The following FBXL17 variants were observed in gnomAD, a reference collection of about 807,000 sequenced individuals.
The protein encoded by FBXL17 is F-box and leucine rich repeat protein 17.
In FBXL17, 22 loss-of-function variants were observed where a neutral mutation model predicts 66.2. The observed-to-expected ratio is 0.33, with a 90% confidence interval of 0.24 to 0.47. The LOEUF (loss-of-function observed/expected upper bound fraction) is 0.47. FBXL17 is among the 20% of genes least tolerant of loss of function. FBXL17 has a pLI of 1.00. For missense variants in FBXL17, 878 were observed against 948.2 expected, an observed-to-expected ratio of 0.93 and a Z score of 0.97; for synonymous variants, 474 against 400.5, an observed-to-expected ratio of 1.18 and a Z score of -2.19.
chr5:108,148,906 C>G lies in FBXL17; in HGVS notation c.1745+37211G>C, dbSNP rs79202811. Among the ~76,000 whole-genome samples the G allele has an allele frequency of 3.5e-3, 530 of 152,298 alleles. 2 individuals are homozygous for G. Among genetic ancestry groups the G allele is most frequent in the African/African-American group, 0.012 (512 of 41,558 alleles). On this transcript the variant is annotated intron_variant, in intron 6 of 8. Transcript: ENST00000542267. ...GTATGTCACAACAATATCACTAATA[C>G]TATCATGTTTATAATCTCTTAAATG...
chr5:108,358,795 T>A (rs1474341031), intron 3 of FBXL17, among the ~76,000 whole-genome samples: 3 of 152,150 alleles, frequency 2.0e-5, no homozygotes, highest in African/African-American at 4.8e-5. Flanking sequence ...ACATTCACCA[T>A]CAAAGCTATG....
chr5:108,240,598 G>T (rs2150099772), intron 4 of FBXL17, among the ~76,000 whole-genome samples: 1 of 152,288 alleles, frequency 6.6e-6, no homozygotes, highest in Admixed American at 6.5e-5. Flanking sequence ...GACACCAGAT[G>T]TCATCTCTGG....
chr5:108,104,590 C>T (rs118061896), intron 6 of FBXL17, among the ~76,000 whole-genome samples: 1 of 152,274 alleles, frequency 6.6e-6, no homozygotes, highest in East Asian at 1.9e-4. Flanking sequence ...AGTCTCTGTC[C>T]TCCAAGATGT....
chr5:108,217,003 G>A (rs992641602), intron 5 of FBXL17, among the ~76,000 whole-genome samples: 10 of 152,208 alleles, frequency 6.6e-5, no homozygotes, highest in African/African-American at 1.7e-4. Context: ...AGTGGGCTCC[G>A]GTGGGTTCCA....
At chr5:108,319,415 G>A (rs901251770) in intron 4 of FBXL17, among the ~76,000 whole-genome samples, 2 of 151,636 alleles carry the variant, frequency 1.3e-5, no homozygotes, top group African/African-American at 4.8e-5. Flanking sequence ...ATTAGGGAGA[G>A]GTTATACCTA....
chr5:108,137,067 T>A (rs1751163376), intron 6 of FBXL17, among the ~76,000 whole-genome samples: 1 of 152,202 alleles, frequency 6.6e-6, no homozygotes, highest in Non-Finnish European at 1.5e-5. Flanking sequence ...AAATGCTATA[T>A]TAACTTATAG....
chr5:108,008,703 C>T (rs564403064), intron 7 of FBXL17, among the ~76,000 whole-genome samples: 3 of 152,170 alleles, frequency 2.0e-5, no homozygotes, highest in African/African-American at 7.2e-5. Flanking sequence ...ATTCTGGATG[C>T]GCGCAGCTTG....
At chr5:108,317,879 T>A (rs1409594267) in intron 4 of FBXL17, among the ~76,000 whole-genome samples, 2 of 151,548 alleles carry the variant, frequency 1.3e-5, no homozygotes, top group Non-Finnish European at 3.0e-5. Flanking sequence ...ATTCACTATG[T>A]ATCTGCAAAT....
intron 4 of FBXL17, among the ~76,000 whole-genome samples, chr5:108,260,834 T>C (rs1756786225): frequency 6.6e-6 from 1 of 152,210 alleles, no homozygotes; most frequent in Non-Finnish European, 1.5e-5. Context: ...ACAAGTTTGC[T>C]ATAGTCATTT....
intron 1 of FBXL17, among the ~76,000 whole-genome samples, chr5:108,375,264 A>T (rs1030320574): frequency 6.6e-6 from 1 of 151,932 alleles, no homozygotes; most frequent in Non-Finnish European, 1.5e-5. Flanking sequence ...GGCTGACAAG[A>T]GGGAAAGTCA....
At chr5:107,950,451 G>A (rs1260099796) in intron 7 of FBXL17, among the ~76,000 whole-genome samples, 1 of 152,112 alleles carries the variant, frequency 6.6e-6, no homozygotes, top group Non-Finnish European at 1.5e-5. Flanking sequence ...CATAAAGACA[G>A]AGTTTGTAAA....
At chr5:108,131,094 A>G (rs150343817) in intron 6 of FBXL17, among the ~76,000 whole-genome samples, 50 of 152,234 alleles carry the variant, frequency 3.3e-4, no homozygotes, top group African/African-American at 1.1e-3. Flanking sequence ...AATAGGAACA[A>G]TTTGCAGGTT....
At chr5:108,311,552 A>C (rs2150199359) in intron 4 of FBXL17, among the ~76,000 whole-genome samples, 1 of 152,206 alleles carries the variant, frequency 6.6e-6, no homozygotes, top group Admixed American at 6.5e-5. Context: ...TATTCTTCCA[A>C]ATGTACAATA....
intron 7 of FBXL17, among the ~76,000 whole-genome samples, chr5:107,993,956 C>A (rs921317947): frequency 7.9e-5 from 12 of 152,078 alleles, no homozygotes; most frequent in Non-Finnish European, 1.8e-4. Flanking sequence ...TAGTGTCCCT[C>A]TCAGGGCTGT....
chr5:108,155,585 C>G (rs755276528), intron 6 of FBXL17, among the ~76,000 whole-genome samples: 5 of 152,154 alleles, frequency 3.3e-5, no homozygotes, highest in Non-Finnish European at 7.3e-5. Context: ...GTAAAACTCT[C>G]TGAACTTTGA....
chr5:108,380,901 G>T lies in FBXL17; in HGVS notation c.791C>A (p.Ser264Tyr). 1 of 1,233,542 alleles carries T rather than the reference G, an allele frequency of 8.1e-7. No individual in the cohort carries two copies. Among genetic ancestry groups the T allele is most frequent in the Non-Finnish European group, 1.0e-6 (1 of 984,122 alleles). The allele number at this position is 1,233,542 out of a possible 1,614,324, so 76.4% of individuals were successfully genotyped here. A position where few individuals can be genotyped will look rare whatever the true frequency, so the allele number is the denominator to read the frequency against. The change falls in exon 1 of 9, where the codon TCT (serine) becomes TAT (tyrosine). Residue 264 changes from serine (S) to tyrosine (Y), a missense_variant. Coordinates refer to ENST00000542267, the MANE Select transcript of FBXL17 (RefSeq NM_001163315.3). ...GGTGGGGGCACCTTCGGAGGTGGGA[G>T]AAGAGGGCGGAGGGCAGAGCGGCTG... ...PPQPLCPPPSSPTSEGAPTEA... is the reference protein window; with the variant it reads ...PPQPLCPPPSYPTSEGAPTEA...
rs182145359 is a variant in FBXL17, at chr5:108,124,851, A to G, written c.1745+61266T>C. 3.5e-3 allele frequency among the ~76,000 whole-genome samples: 530 copies of G among 152,228 alleles called. 1 individual carries two copies. Among genetic ancestry groups the G allele is most frequent in the Non-Finnish European group, 5.5e-3 (377 of 67,934 alleles). On this transcript the variant is annotated intron_variant, in intron 6 of 8. Coordinates refer to ENST00000542267, the MANE Select transcript of FBXL17 (RefSeq NM_001163315.3). ...CAGCATTTAAAAAGCAAAGAAGTGC[A>G]AACAATATTCTGCTTGCTGACATAG...
intron 4 of FBXL17, among the ~76,000 whole-genome samples, chr5:108,307,746 A>G (rs1758917328): frequency 6.6e-6 from 1 of 152,142 alleles, no homozygotes; most frequent in African/African-American, 2.4e-5. Flanking sequence ...GAGAGCCTGT[A>G]CAACAAATTA....
intron 4 of FBXL17, among the ~76,000 whole-genome samples, chr5:108,292,255 G>A (rs1014149132): frequency 6.6e-6 from 1 of 151,788 alleles, no homozygotes; most frequent in Non-Finnish European, 1.5e-5. Flanking sequence ...CCAAGTAGCT[G>A]GGATTACAGG....
Sources: gnomAD v4.1 joint callset for allele counts (sites outside exome capture counted in the v4.1 genomes callset) on GRCh38, gnomAD v4.1.1 for gene constraint, MANE v1.5 for transcripts, NCBI Gene and HGNC (gene_info 2026-07-23, HGNC 2026-07-21) for gene names.